The following WDFY4 variants were observed in gnomAD, a reference collection of about 807,000 sequenced individuals.
WDFY4 encodes the protein WD repeat- and FYVE domain-containing protein 4.
In WDFY4, 169 loss-of-function variants were observed where a neutral mutation model predicts 351.9. The ratio of observed to expected loss-of-function variants is 0.48; its 90% CI spans 0.42 to 0.55. The LOEUF (loss-of-function observed/expected upper bound fraction) is 0.55, where lower values mean the gene tolerates loss of function less well. WDFY4 is among the 20% of genes least tolerant of loss of function. The pLI, the probability that WDFY4 is intolerant of heterozygous loss-of-function variation, is 0.00. For synonymous variants in WDFY4, 1,622 were observed against 1,574.6 expected, an observed-to-expected ratio of 1.03 and a Z score of -0.71; for missense variants, 3,803 against 3,935.6, an observed-to-expected ratio of 0.97 and a Z score of 0.90.
intron 43 of WDFY4, among the ~76,000 whole-genome samples, chr10:48,883,597 C>T (rs2070342272): frequency 6.6e-6 from 1 of 152,148 alleles, no homozygotes; most frequent in South Asian, 2.1e-4. Context: ...TGTGCATGCT[C>T]CTACAACAGA....
intron 47 of WDFY4, among the ~76,000 whole-genome samples, chr10:48,933,099 G>A (rs1840126779): frequency 6.6e-6 from 1 of 152,282 alleles, no homozygotes; most frequent in South Asian, 2.1e-4. Context: ...AGTCTGTGCT[G>A]AAGGGCATGG....
intron 2 of WDFY4, among the ~76,000 whole-genome samples, chr10:48,714,464 G>GT (rs1193046872): frequency 6.6e-6 from 1 of 152,224 alleles, no homozygotes; most frequent in Non-Finnish European, 1.5e-5. Context: ...GCAGAGTAGT[G>GT]TTTTTAAGAA....
intron 1 of WDFY4, among the ~76,000 whole-genome samples, chr10:48,686,389 A>G (rs2063051056): frequency 1.3e-5 from 2 of 152,086 alleles, no homozygotes; most frequent in East Asian, 1.9e-4. Context: ...TAATAAAAAC[A>G]GCATAAACCC....
At position 48,811,438 on chromosome 10, in the gene WDFY4, G is replaced by A. The variant is rs138371345; in HGVS notation, c.5045-101G>A. 4 of 985,546 alleles carry A rather than the reference G, an allele frequency of 4.1e-6. No individual in the cohort carries two copies. The East Asian group carries it at 1.1e-4, about 26-fold the overall frequency. 61.1% of individuals were successfully genotyped at this position (985,546 alleles called of 1,614,324 possible). On this transcript the variant is annotated intron_variant, in intron 29 of 61. Transcript: ENST00000325239. ...ATATTTTATCATCCAGCATTTCTAT[G>A]GGATGGGTGGGTGGCCGGGTGTTCC...
chr10:48,870,930 G>C (rs2069747553), intron 40 of WDFY4, among the ~76,000 whole-genome samples: 2 of 141,426 alleles, frequency 1.4e-5, no homozygotes, highest in South Asian at 4.7e-4. Context: ...GACTTGGGGT[G>C]GATATGCGTT....
At chr10:48,807,582 C>T (rs1589659271) in intron 27 of WDFY4, among the ~76,000 whole-genome samples, 2 of 152,298 alleles carry the variant, frequency 1.3e-5, no homozygotes, top group Non-Finnish European at 2.9e-5. Flanking sequence ...AATTCTTCTA[C>T]TGAAAGGTAT....
intron 5 of WDFY4, among the ~76,000 whole-genome samples, chr10:48,725,015 G>T (rs1395589862): frequency 6.6e-6 from 1 of 152,200 alleles, no homozygotes; most frequent in African/African-American, 2.4e-5. Context: ...AGGGTTGTCA[G>T]GGTCTGAGGA....
At chr10:48,788,155 G>A (rs1336620100) in intron 20 of WDFY4, among the ~76,000 whole-genome samples, 4 of 151,796 alleles carry the variant, frequency 2.6e-5, no homozygotes, top group Non-Finnish European at 5.9e-5. Context: ...AGCCTGCCAA[G>A]TAGCTGGGAC....
At chr10:48,711,920 T>C (rs1304846440) in intron 2 of WDFY4, among the ~76,000 whole-genome samples, 1 of 151,914 alleles carries the variant, frequency 6.6e-6, no homozygotes, top group Non-Finnish European at 1.5e-5. Context: ...GGTTATGGGG[T>C]TCCCCAGCTA....
chr10:48,794,216 T>C (rs1159370612), intron 23 of WDFY4, among the ~76,000 whole-genome samples: 1 of 152,040 alleles, frequency 6.6e-6, no homozygotes. Context: ...TTGACGTCAG[T>C]GGAGAAGATG....
chr10:48,878,402 G>A (rs1326458273), intron 43 of WDFY4: 2 of 152,200 alleles, frequency 1.3e-5, no homozygotes, highest in Non-Finnish European at 2.9e-5. Flanking sequence ...TAGGCTCAGA[G>A]AACCTGGGAG....
chr10:48,798,588 T>TA (rs1350599371), intron 24 of WDFY4, among the ~76,000 whole-genome samples: 1 of 152,080 alleles, frequency 6.6e-6, no homozygotes, highest in Admixed American at 6.6e-5. Context: ...CTAAAATGAA[T>TA]AAAAAACCCC....
intron 23 of WDFY4, among the ~76,000 whole-genome samples, 187 bp downstream of exon 23, chr10:48,791,104 C>T (rs1445309061): frequency 6.6e-6 from 1 of 152,222 alleles, no homozygotes. Context: ...ACAGCCAGCC[C>T]AAGAGCTCTG....
intron 35 of WDFY4, chr10:48,824,197 T>G: frequency 1.0e-6 from 1 of 985,414 alleles, no homozygotes; most frequent in Non-Finnish European, 1.2e-6. Context: ...AGAGCGTGGC[T>G]TAAGTGTCCA....
intron 24 of WDFY4, among the ~76,000 whole-genome samples, chr10:48,798,991 A>G (rs2066965712): frequency 6.6e-6 from 1 of 152,158 alleles, no homozygotes; most frequent in Non-Finnish European, 1.5e-5. Context: ...ATAAAACCCC[A>G]CTAAATAAGA....
intron 2 of WDFY4, among the ~76,000 whole-genome samples, chr10:48,716,102 T>G (rs2063901165): frequency 6.6e-6 from 1 of 152,078 alleles, no homozygotes; most frequent in Non-Finnish European, 1.5e-5. Flanking sequence ...AAAGTTTTGA[T>G]GCGCCATTTT....
chr10:48,798,204 C>T (rs544637253), intron 24 of WDFY4, among the ~76,000 whole-genome samples: 106 of 152,106 alleles, frequency 7.0e-4, no homozygotes, highest in Non-Finnish European at 2.4e-4. Context: ...GATCAAGATT[C>T]GGTTCAACGT....
intron 49 of WDFY4, among the ~76,000 whole-genome samples, chr10:48,945,664 G>A (rs971842625): frequency 6.6e-5 from 10 of 152,184 alleles, no homozygotes; most frequent in Admixed American, 3.9e-4. Context: ...TGTAAAATCA[G>A]TTTGATTCTA....
Position 48,810,702 on chromosome 10 carries a change from G to A in WDFY4, c.5011G>A (p.Glu1671Lys), listed in dbSNP as rs2067416049. 5.2e-6 allele frequency: 8 copies of A among 1,548,852 alleles called. No homozygotes were observed. Among genetic ancestry groups the A allele is most frequent in the Non-Finnish European group, 7.0e-6 (8 of 1,145,918 alleles). The change falls in exon 29 of 62, where the codon GAA becomes AAA. Residue 1671 changes from glutamate to lysine, a missense_variant. Around this residue, in one of 3 missense-constraint regions of WDFY4, gnomAD observed 3,054 missense variants for 3,148.6 expected, o/e 0.97. Transcript: ENST00000325239. ...RDGLCAGSWV[E>K]RSTEGVDIVM... is the part of the protein sequence containing the mutation. ...TGGCCTGTGTGCAGGATCCTGGGTG[G>A]AACGCAGCACTGAGGGCGTGGATAT... is the stretch of plus-strand genomic sequence containing the variant.
Sources: allele counts gnomAD v4.1 joint callset (sites outside exome capture counted in the v4.1 genomes callset), GRCh38; gene constraint gnomAD v4.1.1; regional missense constraint gnomAD v4.1.1; transcripts MANE v1.5; gene names NCBI Gene and HGNC (gene_info 2026-07-23, HGNC 2026-07-21).